USP48: variants seen among roughly 807,000 people sequenced by gnomAD.
The protein encoded by USP48 is ubiquitin specific peptidase 48, also known as ubiquitin carboxyl-terminal hydrolase 48.
Under a neutral mutation model 150.7 loss-of-function variants are expected in USP48, and 43 were observed. The ratio of observed to expected loss-of-function variants is 0.29; its 90% CI spans 0.22 to 0.37. The LOEUF (loss-of-function observed/expected upper bound fraction) is 0.37. Ranked by LOEUF, USP48 falls within the 10% of genes least tolerant of loss-of-function variation. USP48 has a pLI of 1.00. For synonymous variants in USP48, 396 were observed against 425.9 expected (o/e 0.93, Z 0.86); for missense variants, 813 against 1,249.6 (o/e 0.65, Z 5.27).
rs373743586 is a variant in USP48, at chr1:21,732,093, C to T, written c.1172-2261G>A. The stretch of plus-strand genomic sequence containing the variant: ...AGGAATTCGAAACCAGTCTGGCCAA[C>T]GTGGTGAAACCCCATCTCTACTAAA... On this transcript the variant is annotated intron_variant, in intron 9 of 26. Coordinates refer to ENST00000308271, the MANE Select transcript of USP48 (RefSeq NM_032236.8). 6.6e-5 allele frequency among the ~76,000 whole-genome samples: 10 copies of T among 152,166 alleles called. 1 individual carries two copies. Among genetic ancestry groups the T allele is most frequent in the African/African-American group, 2.2e-4 (9 of 41,520 alleles).
chr1:21,698,762 G>A (rs1232181903), intron 22 of USP48, among the ~76,000 whole-genome samples: 1 of 152,030 alleles, frequency 6.6e-6, no homozygotes. Flanking sequence ...GGGCGTGGTG[G>A]CGGGCGCCTG....
At chr1:21,694,167 C>A (rs934564829) in intron 23 of USP48, among the ~76,000 whole-genome samples, 4 of 152,164 alleles carry the variant, frequency 2.6e-5, no homozygotes, top group African/African-American at 9.7e-5. Context: ...GCCTGCACTA[C>A]AGCCGTGGAA....
At chr1:21,775,264 T>C (rs911915253) in intron 1 of USP48, among the ~76,000 whole-genome samples, 7 of 151,680 alleles carry the variant, frequency 4.6e-5, no homozygotes, top group South Asian at 2.1e-4. Context: ...TTTTGTTTGG[T>C]TGGTTGGTTT....
intron 15 of USP48, among the ~76,000 whole-genome samples, chr1:21,710,339 C>T (rs941608500): frequency 1.3e-5 from 2 of 152,052 alleles, no homozygotes; most frequent in African/African-American, 4.8e-5. Context: ...ACCCTCAACC[C>T]CTCACCCTCA....
intron 20 of USP48, 65 bp from the exon 21 acceptor site, chr1:21,703,683 A>G: frequency 8.3e-7 from 1 of 1,199,656 alleles, no homozygotes; most frequent in Non-Finnish European, 1.2e-6. Flanking sequence ...AGAATCAAAG[A>G]TCTAAAAACA....
chr1:21,705,301 A>T (rs555405132), intron 19 of USP48, among the ~76,000 whole-genome samples: 15 of 152,290 alleles, frequency 9.8e-5, no homozygotes, highest in African/African-American at 3.6e-4. Context: ...GGGTTCTAAG[A>T]CCCTAGAATT....
chr1:21,696,278 A>C (rs1490141266), intron 22 of USP48, among the ~76,000 whole-genome samples: 1 of 152,078 alleles, frequency 6.6e-6, no homozygotes, highest in Non-Finnish European at 1.5e-5. Context: ...CCTCTCTACT[A>C]AAAATGCAAA....
intron 9 of USP48, among the ~76,000 whole-genome samples, chr1:21,732,053 G>A (rs181329639): frequency 2.0e-4 from 31 of 152,152 alleles, no homozygotes; most frequent in African/African-American, 5.8e-4. Flanking sequence ...TTATAGCGGC[G>A]GATCATTTGA....
At position 21,761,599 on chromosome 1, in the gene USP48, T is replaced by C. The variant is rs992504624; in HGVS notation, c.135-3816A>G. Among the ~76,000 whole-genome samples the C allele has an allele frequency of 2.6e-5, 4 of 152,098 alleles. No individual in the cohort carries two copies. The East Asian group carries it at 5.8e-4, about 22-fold the overall frequency. On this transcript the variant is annotated intron_variant, in intron 1 of 26. Transcript: ENST00000308271. Reference sequence around the variant, plus strand: ...TTTAAACATACTGTCTTCTAAAATATAAAAATGAAGCTGGGTGTGGTGGCA... The same window carrying C: ...TTTAAACATACTGTCTTCTAAAATACAAAAATGAAGCTGGGTGTGGTGGCA...
Position 21,752,993 on chromosome 1 carries a change from T to A in USP48, c.539A>T (p.Gln180Leu). ...KALGLDTGQQ[Q>L]DAQEFSKLFM... ...AAAAAAAAAAAATTCAGTTCTTACC[T>A]GCTGTTGTCCAGTGTCCAGGCCCAA... The change falls in exon 4 of 27, where the codon CAG becomes CTG. Residue 180 changes from glutamine (Q) to leucine (L), a missense_variant and splice_region_variant. Gln to Leu is a moderately radical substitution (Grantham distance 113, BLOSUM62 -2). Transcript: ENST00000308271. The A allele has an allele frequency of 6.3e-7, 1 of 1,587,632 alleles. No individual in the cohort carries two copies. The highest frequency in any genetic ancestry group is 8.5e-7 in the Non-Finnish European group (1 of 1,173,850).
At chr1:21,743,146 A>T (rs2097786070) in intron 8 of USP48, among the ~76,000 whole-genome samples, 1 of 152,152 alleles carries the variant, frequency 6.6e-6, no homozygotes, top group Non-Finnish European at 1.5e-5. Flanking sequence ...CTAATTGGTC[A>T]AAAGCACCTC....
chr1:21,715,245 AT>A (rs1393721300), intron 15 of USP48, 143 bp downstream of exon 15: 1 of 551,396 alleles, frequency 1.8e-6, no homozygotes, highest in Non-Finnish European at 3.3e-6. Flanking sequence ...TTTTCCAATG[AT>A]TTCCTCTAAA....
intron 4 of USP48, 103 bp downstream of exon 4, chr1:21,752,889 T>A (rs959917128): frequency 7.4e-5 from 105 of 1,411,610 alleles, no homozygotes; most frequent in Non-Finnish European, 8.9e-5. Context: ...ATAGAAAAAA[T>A]TTAATTTTTA....
intron 7 of USP48, among the ~76,000 whole-genome samples, chr1:21,747,827 C>A (rs1254157267): frequency 6.6e-6 from 1 of 152,228 alleles, no homozygotes; most frequent in Non-Finnish European, 1.5e-5. Flanking sequence ...CCTGCCTCAG[C>A]CTCCCAAAGT....
chr1:21,728,847 T>C, intron 10 of USP48, 128 bp from the exon 11 acceptor site: 1 of 1,167,750 alleles, frequency 8.6e-7, no homozygotes, highest in Non-Finnish European at 1.2e-6. Context: ...GGTCTCCCTG[T>C]CTGCTAGAAA....
Position 21,679,311 on chromosome 1 carries a change from G to T in USP48, c.*106C>A. 2 of 1,391,394 alleles carry T rather than the reference G, an allele frequency of 1.4e-6. No individual in the cohort carries two copies. Among genetic ancestry groups the T allele is most frequent in the Non-Finnish European group, 2.0e-6 (2 of 978,416 alleles). 86.2% of individuals were successfully genotyped at this position (1,391,394 alleles called of 1,614,324 possible). On this transcript the variant is annotated 3_prime_UTR_variant, in exon 27 of 27. Transcript: ENST00000308271. ...AATGGATTTCTGCCTTTTGGAAGGG[G>T]CATGTAATGGTTTAATTCTTAAATC...
chr1:21,711,077 C>A (rs1015332337), intron 15 of USP48, among the ~76,000 whole-genome samples: 2 of 151,920 alleles, frequency 1.3e-5, no homozygotes, highest in Non-Finnish European at 2.9e-5. Flanking sequence ...TGAACCACCA[C>A]ACCAAAGGAA....
chr1:21,707,561 C>T (rs1350063033), intron 15 of USP48, among the ~76,000 whole-genome samples: 1 of 152,118 alleles, frequency 6.6e-6, no homozygotes, highest in Non-Finnish European at 1.5e-5. Flanking sequence ...TCACCGCCAC[C>T]CTGCCAGGAC....
chr1:21,723,895 T>C lies in USP48; in HGVS notation c.1648+3A>G. The stretch of plus-strand genomic sequence containing the variant: ...TTTAAACAGAGAGGACATCTTGAAT[T>C]ACCAGTTAGTCTTGGACCTCCTCCA... On this transcript the variant is annotated splice_donor_region_variant and intron_variant, in intron 12 of 26. Coordinates refer to ENST00000308271, the MANE Select transcript of USP48 (RefSeq NM_032236.8). 6.2e-7 allele frequency: 1 copy of C among 1,610,222 alleles called. No homozygotes were observed. Among genetic ancestry groups the C allele is most frequent in the Non-Finnish European group, 8.5e-7 (1 of 1,176,978 alleles).
Sources: gnomAD v4.1 joint callset for allele counts (sites outside exome capture counted in the v4.1 genomes callset) on GRCh38, gnomAD v4.1.1 for gene constraint, MANE v1.5 for transcripts, NCBI Gene and HGNC (gene_info 2026-07-23, HGNC 2026-07-21) for gene names.